TIAM1: variants seen among roughly 807,000 people sequenced by gnomAD.
The protein encoded by TIAM1 is TIAM Rac1 associated GEF 1.
TIAM1 carries 65 observed loss-of-function variants against 163.5 expected under a neutral mutation model. The observed-to-expected ratio is 0.40, with a 90% CI of 0.33 to 0.49. The LOEUF is 0.49. Ranked by LOEUF, TIAM1 falls within the 20% of genes least tolerant of loss-of-function variation. The pLI, the probability that TIAM1 is intolerant of heterozygous loss-of-function variation, is 0.77. For synonymous variants in TIAM1, 833 were observed against 810.1 expected (o/e 1.03, Z -0.48); for missense variants, 1,789 against 2,044.7 (o/e 0.87, Z 2.41).
intron 2 of TIAM1, among the ~76,000 whole-genome samples, chr21:31,330,331 C>T (rs1311281401): frequency 3.3e-5 from 5 of 152,232 alleles, no homozygotes; most frequent in Non-Finnish European, 7.3e-5. Flanking sequence ...CATTCACTTA[C>T]TGAAGGGCAT....
At chr21:31,340,469 G>A (rs976181359) in intron 1 of TIAM1, among the ~76,000 whole-genome samples, 1 of 152,168 alleles carries the variant, frequency 6.6e-6, no homozygotes, top group Non-Finnish European at 1.5e-5. Context: ...TCCAAGGTCT[G>A]TGGCACGAAA....
In TIAM1 at chr21:31,429,444, A is replaced by G. The variant is rs544923342; in HGVS notation, c.-369+34539T>C. 6.4e-5 allele frequency among the ~76,000 whole-genome samples: 9 copies of G among 140,970 alleles called. No individual in the cohort carries two copies. The South Asian group carries it at 1.5e-3, about 23-fold the overall frequency. The allele number at this position is 140,970 out of a possible 152,430, so 92.5% of individuals were successfully genotyped here. On this transcript the variant is annotated intron_variant, in intron 2 of 28. Transcript: ENST00000286827. The stretch of plus-strand genomic sequence containing the variant: ...AAGATTTAGAAAACGTTGCACATGG[A>G]AAAAAAAGACATCCACTGCAGTATT...
chr21:31,301,676 C>T (rs999792748), intron 2 of TIAM1, among the ~76,000 whole-genome samples: 1 of 151,932 alleles, frequency 6.6e-6, no homozygotes, highest in Non-Finnish European at 1.5e-5. Context: ...CCCCTCTTTA[C>T]TAAAAATATA....
At chr21:31,210,592 A>AG (rs2086698455) in intron 10 of TIAM1, among the ~76,000 whole-genome samples, 1 of 88,694 alleles carries the variant, frequency 1.1e-5, no homozygotes, top group Admixed American at 1.3e-4. Context: ...GAAAGAAAGA[A>AG]AGAGAGAAAG....
chr21:31,356,495 G>A (rs1182495013), intron 2 of TIAM1, among the ~76,000 whole-genome samples: 1 of 152,118 alleles, frequency 6.6e-6, no homozygotes, highest in African/African-American at 2.4e-5. Context: ...TCTAAGGTGG[G>A]GGCCTTTGGG....
chr21:31,502,311 G>A (rs954245126), intron 1 of TIAM1, among the ~76,000 whole-genome samples: 2 of 152,072 alleles, frequency 1.3e-5, no homozygotes, highest in African/African-American at 4.8e-5. Context: ...TCGCTCTGTC[G>A]CCCAGGCAGG....
At chr21:31,468,426 T>G (rs2045610068) in intron 1 of TIAM1, among the ~76,000 whole-genome samples, 1 of 149,708 alleles carries the variant, frequency 6.7e-6, no homozygotes, top group Non-Finnish European at 1.5e-5. Flanking sequence ...GAGGTTTCAG[T>G]GAGCGAAGAT....
chr21:31,327,643 CA>C lies in TIAM1; in HGVS notation c.-189+11599del, dbSNP rs373702154. On this transcript the variant is annotated intron_variant, in intron 2 of 27. Transcript: ENST00000541036. ...GCAACAGAGTGAAACGCCGCCATCTCAAAAAAAAAAAAAAAAAAAGGAAAGA... is the reference window on the plus strand; with the variant it reads ...GCAACAGAGTGAAACGCCGCCATCTCAAAAAAAAAAAAAAAAAAGGAAAGA... 8.2e-3 allele frequency among the ~76,000 whole-genome samples: 567 copies of C among 69,452 alleles called. 1 individual carries two copies. Among genetic ancestry groups the C allele is most frequent in the African/African-American group, 0.017 (254 of 15,282 alleles). The allele number at this position is 69,452 out of a possible 152,430, so 45.6% of individuals were successfully genotyped here. A position where few individuals can be genotyped will look rare whatever the true frequency, so the allele number is the denominator to read the frequency against.
At chr21:31,454,332 G>T (rs2045004056) in intron 2 of TIAM1, among the ~76,000 whole-genome samples, 1 of 152,182 alleles carries the variant, frequency 6.6e-6, no homozygotes, top group Admixed American at 6.6e-5. Flanking sequence ...TATTACTGTT[G>T]TAAGATGTCC....
At chr21:31,428,680 C>T (rs1404163385) in intron 2 of TIAM1, among the ~76,000 whole-genome samples, 1 of 151,998 alleles carries the variant, frequency 6.6e-6, no homozygotes, top group African/African-American at 2.4e-5. Context: ...GCCAGGAGTT[C>T]GAGACCAGCC....
At chr21:31,253,436 A>C (rs2071926493) in intron 4 of TIAM1, among the ~76,000 whole-genome samples, 1 of 152,228 alleles carries the variant, frequency 6.6e-6, no homozygotes, top group African/African-American at 2.4e-5. Flanking sequence ...AGTATGAGCC[A>C]TGCCACAAAC....
chr21:31,134,266 G>C (rs797011476), intron 23 of TIAM1, among the ~76,000 whole-genome samples: 17 of 152,152 alleles, frequency 1.1e-4, no homozygotes, highest in African/African-American at 3.9e-4. Context: ...CACTGTGTGG[G>C]TCATTTACAT....
rs1481025423 is a variant in TIAM1 at position 31,266,333 on chromosome 21, T to C, written c.640A>G (p.Met214Val). The C allele has an allele frequency of 6.2e-7, 1 of 1,614,040 alleles. No individual in the cohort carries two copies. Among genetic ancestry groups the C allele is most frequent in the African/African-American group, 1.3e-5 (1 of 74,918 alleles). Reference protein sequence around the residue: ...EEKDCEEARGMETRASPRQLS... With the variant: ...EEKDCEEARGVETRASPRQLS... ...TGCCGCGGACTCGCCCGCGTTTCCA[T>C]CCCCCGAGCCTCCTCGCAGTCCTTC... Residue 214 changes from methionine to valine, a missense_variant, in exon 4 of 28, where the codon ATG (methionine) becomes GTG (valine). Physicochemically the swap from Met to Val is conservative, Grantham distance 21 (BLOSUM62 1). Transcript: ENST00000541036.
intron 2 of TIAM1, among the ~76,000 whole-genome samples, chr21:31,325,032 C>A (rs985018251): frequency 4.6e-5 from 7 of 152,002 alleles, no homozygotes; most frequent in Admixed American, 2.0e-4. Context: ...GTAATCCCAG[C>A]ACTTTGGGAG....
intron 1 of TIAM1, among the ~76,000 whole-genome samples, chr21:31,540,099 G>C (rs1385486865): frequency 6.6e-6 from 1 of 152,002 alleles, no homozygotes; most frequent in African/African-American, 2.4e-5. Context: ...AAGGTAGGAA[G>C]TACAGGCCGG....
intron 15 of TIAM1, among the ~76,000 whole-genome samples, chr21:31,181,300 T>A (rs1188191278): frequency 6.6e-6 from 1 of 152,034 alleles, no homozygotes; most frequent in Non-Finnish European, 1.5e-5. Context: ...AGGAAACACA[T>A]TTAGGCGAAA....
At chr21:31,132,400 C>T (rs185370423) in intron 23 of TIAM1, among the ~76,000 whole-genome samples, 31 of 152,242 alleles carry the variant, frequency 2.0e-4, no homozygotes, top group Non-Finnish European at 3.5e-4. Flanking sequence ...TGGCAGGTTC[C>T]CCACAAAGGT....
At chr21:31,463,490 T>C (rs2045408325) in intron 2 of TIAM1, among the ~76,000 whole-genome samples, 2 of 152,148 alleles carry the variant, frequency 1.3e-5, no homozygotes. Context: ...ACTTTGCTCT[T>C]GCCTCACTTC....
At chr21:31,125,868 C>T (rs538969918) in intron 26 of TIAM1, among the ~76,000 whole-genome samples, 227 of 152,320 alleles carry the variant, frequency 1.5e-3, no homozygotes, top group Non-Finnish European at 2.5e-3. Flanking sequence ...AGCCACCATG[C>T]CCAGCACCAG....
Sources: allele counts gnomAD v4.1 joint callset (sites outside exome capture counted in the v4.1 genomes callset), GRCh38; gene constraint gnomAD v4.1.1; transcripts MANE v1.5; gene names NCBI Gene and HGNC (gene_info 2026-07-23, HGNC 2026-07-21).